RFPL1: variants seen among roughly 807,000 people sequenced by gnomAD.
The protein encoded by RFPL1 is ret finger protein like 1, also known as ret finger protein-like 1.
In RFPL1, 6 loss-of-function variants were observed where a neutral mutation model predicts 9.6. That is an observed-to-expected ratio of 0.62 (90% confidence interval 0.34 to 1.23). The LOEUF is 1.23. Among genes scored for constraint, RFPL1 ranks in the 50% most tolerant of loss-of-function variants. The probability of loss-of-function intolerance (pLI) is 0.03; values close to 1 mark genes in which losing one functional copy is unlikely to be tolerated. For missense variants in RFPL1, 352 were observed against 398.4 expected, an observed-to-expected ratio of 0.88 and a Z score of 0.99; for synonymous variants, 145 against 149.4, an observed-to-expected ratio of 0.97 and a Z score of 0.22.
upstream of RFPL1, chr22:29,438,375 G>A (rs56355388): frequency 0.15 from 26,965 of 182,322 alleles, 2,200 homozygotes; most frequent in Non-Finnish European, 0.18. Context: ...AGTAGAGATG[G>A]GGTTTCACCC....
chr22:29,390,135 A>G, the RFPL1 span, among the ~76,000 whole-genome samples: 1 of 152,222 alleles, frequency 6.6e-6, no homozygotes, highest in Non-Finnish European at 1.5e-5. Context: ...AGTTTCCCAA[A>G]ATAGTAAATA....
At chr22:29,403,315 G>T in the RFPL1 span, among the ~76,000 whole-genome samples, 1 of 151,930 alleles carries the variant, frequency 6.6e-6, no homozygotes, top group South Asian at 2.1e-4. Flanking sequence ...AAGACACAAA[G>T]GTGGCTGCAG....
At chr22:29,412,877 C>G in the RFPL1 span, among the ~76,000 whole-genome samples, 2 of 152,112 alleles carry the variant, frequency 1.3e-5, no homozygotes, top group Non-Finnish European at 2.9e-5. Flanking sequence ...GCCCCTACCT[C>G]TCTGCTCCTG....
the RFPL1 span, among the ~76,000 whole-genome samples, chr22:29,426,946 C>T: frequency 1.2e-4 from 18 of 152,304 alleles, no homozygotes; most frequent in African/African-American, 4.3e-4. Flanking sequence ...AAGGTGGAGA[C>T]GAACGTGGTT....
chr22:29,392,225 G>A, the RFPL1 span, among the ~76,000 whole-genome samples: 18 of 151,332 alleles, frequency 1.2e-4, no homozygotes, highest in Non-Finnish European at 2.7e-4. Flanking sequence ...GATTACAGGC[G>A]CCCACCACCA....
the RFPL1 span, among the ~76,000 whole-genome samples, chr22:29,397,074 AT>A: frequency 7.7e-5 from 11 of 143,688 alleles, no homozygotes; most frequent in Admixed American, 1.4e-4. Flanking sequence ...CGCCCGGCTA[AT>A]TTTTTTTGTA....
At chr22:29,409,245 T>C in the RFPL1 span, among the ~76,000 whole-genome samples, 1 of 152,160 alleles carries the variant, frequency 6.6e-6, no homozygotes, top group South Asian at 2.1e-4. Flanking sequence ...TCACTCCTGT[T>C]TTTCCCATCT....
chr22:29,408,199 C>T, the RFPL1 span, among the ~76,000 whole-genome samples: 1 of 152,148 alleles, frequency 6.6e-6, no homozygotes, highest in Non-Finnish European at 1.5e-5. Flanking sequence ...TTGCCTGGAC[C>T]TTCAAATGGG....
At chr22:29,399,500 G>A in the RFPL1 span, among the ~76,000 whole-genome samples, 1 of 152,178 alleles carries the variant, frequency 6.6e-6, no homozygotes, top group African/African-American at 2.4e-5. Context: ...TATTGACATA[G>A]AATGCAGTCA....
At chr22:29,433,233 G>C in the RFPL1 span, 4 of 151,308 alleles carry the variant, frequency 2.6e-5, no homozygotes, top group African/African-American at 9.7e-5. Flanking sequence ...AAAGGCTGCA[G>C]TGAGCCAAGA....
chr22:29,399,715 C>T, the RFPL1 span, among the ~76,000 whole-genome samples: 5 of 152,234 alleles, frequency 3.3e-5, no homozygotes, highest in Admixed American at 6.5e-5. Context: ...GATAACACTC[C>T]CTGTGGCCCC....
At chr22:29,409,498 C>T in the RFPL1 span, among the ~76,000 whole-genome samples, 49 of 152,270 alleles carry the variant, frequency 3.2e-4, no homozygotes, top group East Asian at 8.1e-3. Context: ...ACTCCAGCCC[C>T]GGTCCACATC....
exon 2 of RFPL1, chr22:29,441,656 T>G (rs774918682): frequency 1.2e-6 from 2 of 1,613,780 alleles, no homozygotes; most frequent in Non-Finnish European, 1.7e-6. Context: ...GCCGAGAGAT[T>G]TGACGTGTCC....
At chr22:29,421,581 C>G in the RFPL1 span, among the ~76,000 whole-genome samples, 1 of 150,704 alleles carries the variant, frequency 6.6e-6, no homozygotes, top group Admixed American at 6.6e-5. Flanking sequence ...AGGCTAGACT[C>G]GAACTCCTGG....
the RFPL1 span, among the ~76,000 whole-genome samples, chr22:29,426,367 G>A: frequency 1.3e-5 from 2 of 151,354 alleles, no homozygotes; most frequent in Admixed American, 1.3e-4. Flanking sequence ...TTGTAATGAT[G>A]TATTTTTTGT....
At chr22:29,407,373 T>C in the RFPL1 span, among the ~76,000 whole-genome samples, 21 of 152,164 alleles carry the variant, frequency 1.4e-4, no homozygotes, top group Non-Finnish European at 2.8e-4. Flanking sequence ...TAGTCAATTA[T>C]GAATACAGCT....
chr22:29,392,813 A>G, the RFPL1 span, among the ~76,000 whole-genome samples: 1 of 152,158 alleles, frequency 6.6e-6, no homozygotes, highest in Non-Finnish European at 1.5e-5. Flanking sequence ...TTTTAGCTCC[A>G]TTTCATCTTG....
At chr22:29,393,439 C>G in the RFPL1 span, among the ~76,000 whole-genome samples, 174 of 152,312 alleles carry the variant, frequency 1.1e-3, no homozygotes, top group Non-Finnish European at 2.2e-3. Context: ...TTACAGCTTG[C>G]AGAGGTGGGT....
At chr22:29,419,597 G>A in the RFPL1 span, among the ~76,000 whole-genome samples, 11 of 152,056 alleles carry the variant, frequency 7.2e-5, no homozygotes, top group Admixed American at 4.6e-4. Context: ...GAGGCCAGGA[G>A]ATCAAGACCA....
Sources: gnomAD v4.1 joint callset for allele counts (sites outside exome capture counted in the v4.1 genomes callset) on GRCh38, gnomAD v4.1.1 for gene constraint, MANE v1.5 for transcripts, NCBI Gene and HGNC (gene_info 2026-07-23, HGNC 2026-07-21) for gene names.